The following RBM38 variants were observed in gnomAD, a reference collection of about 807,000 sequenced individuals.
RBM38 encodes the protein RNA binding motif protein 38.
A neutral mutation model predicts 23.5 loss-of-function variants in RBM38; 11 were observed. The ratio of observed to expected loss-of-function variants is 0.47; its 90% CI spans 0.29 to 0.77. The LOEUF (loss-of-function observed/expected upper bound fraction) is 0.77. Among genes scored for constraint, RBM38 ranks in the 30% least tolerant of loss-of-function variants. The pLI is 0.08. For missense variants in RBM38, 330 were observed against 351.9 expected, an observed-to-expected ratio of 0.94 and a Z score of 0.50; for synonymous variants, 165 against 166.1, an observed-to-expected ratio of 0.99 and a Z score of 0.05.
chr20:57,407,059 G>C lies in RBM38; in HGVS notation c.417-484G>C, dbSNP rs959647021. Among the ~76,000 whole-genome samples the C allele has an allele frequency of 1.3e-5, 2 of 151,700 alleles. No homozygotes were observed. On this transcript the variant is annotated intron_variant, in intron 3 of 3. Coordinates refer to ENST00000356208, the MANE Select transcript of RBM38 (RefSeq NM_017495.6). This position sits in a 1 kb window ranked among gnomAD's most constrained non-coding sequence, Gnocchi z 4.0. ...TGGCTGGGAGAGCAGGCGTGTACAT[G>C]AGCCAAGTGTGCAGTGTCACTTGGT...
chr20:57,393,023 A>T lies in RBM38; in HGVS notation c.361+246A>T, dbSNP rs548521046. 7 of 662,498 alleles carry T rather than the reference A, an allele frequency of 1.1e-5. No individual in the cohort carries two copies. The African/African-American group carries it at 1.1e-4, about 10-fold the overall frequency. The allele number at this position is 662,498 out of a possible 1,614,324, so 41.0% of individuals were successfully genotyped here. ...CACCCCAGTTGCCAGCTGTCCTCGC[A>T]GGAGGGAGGAAGTGGCCATGGGGCC... On this transcript the variant is annotated intron_variant, in intron 2 of 3. Coordinates refer to ENST00000356208, the MANE Select transcript of RBM38 (RefSeq NM_017495.6).
chr20:57,392,012 GCCCCCACCCCCACCCCCACCCCCA>G (rs539739783), intron 1 of RBM38, among the ~76,000 whole-genome samples, 194 bp downstream of exon 1: 1 of 79,586 alleles, frequency 1.3e-5, no homozygotes, highest in South Asian at 4.4e-4. Flanking sequence ...CCAGGCCCCG[GCCCCCACCCCCACCCCCACCCCCA>G]CCCCCACCCC....
chr20:57,403,530 C>T (rs1478041277), intron 3 of RBM38, among the ~76,000 whole-genome samples: 1 of 152,240 alleles, frequency 6.6e-6, no homozygotes, highest in Non-Finnish European at 1.5e-5. Flanking sequence ...CCCCACTGTA[C>T]CAGTCCCTTG....
chr20:57,395,858 C>T (rs1452601025), intron 3 of RBM38, among the ~76,000 whole-genome samples: 5 of 152,278 alleles, frequency 3.3e-5, no homozygotes, highest in East Asian at 1.9e-4. Context: ...CCTGACTCAG[C>T]GGCCAGTTTT....
At position 57,407,623 on chromosome 20, in the gene RBM38, C is replaced by T; in HGVS notation, c.497C>T (p.Ser166Phe). 6.2e-7 allele frequency: 1 copy of T among 1,613,640 alleles called. No individual in the cohort carries two copies. The highest frequency in any genetic ancestry group is 8.5e-7 in the Non-Finnish European group (1 of 1,179,852). Residue 166 changes from serine (S) to phenylalanine (F), a missense_variant, in exon 4 of 4, where the codon TCC (serine) becomes TTC (phenylalanine). This residue lies in a region of RBM38 where 227 missense variants were observed against 216.4 expected (regional missense o/e 1.05). Coordinates refer to ENST00000356208, the MANE Select transcript of RBM38 (RefSeq NM_017495.6). This position sits in a 1 kb window ranked among gnomAD's most constrained non-coding sequence, Gnocchi z 4.0. ...CCAGCCGCCCCTGTCCCGTCGCTGTCCTCGCCCTACATTGAGTACACGCCG... is the reference window on the plus strand; with the variant it reads ...CCAGCCGCCCCTGTCCCGTCGCTGTTCTCGCCCTACATTGAGTACACGCCG... ...VIPAAPVPSL[S>F]SPYIEYTPAS...
chr20:57,406,993 C>CAAAA (rs573363075), intron 3 of RBM38, among the ~76,000 whole-genome samples: 2 of 76,114 alleles, frequency 2.6e-5, no homozygotes, highest in African/African-American at 4.0e-5. Context: ...GACTCTGTCT[C>CAAAA]AAAAAAAAAA....
At chr20:57,394,320 T>C (rs969803228) in intron 3 of RBM38, among the ~76,000 whole-genome samples, 9 of 34,526 alleles carry the variant, frequency 2.6e-4, no homozygotes, top group Non-Finnish European at 9.4e-5. Context: ...TGAGCCTGGC[T>C]CCCAGGTGAA....
chr20:57,407,971 G>C lies in RBM38; in HGVS notation c.*125G>C. The C allele has an allele frequency of 1.6e-6, 2 of 1,235,970 alleles. No homozygotes were observed. Among genetic ancestry groups the C allele is most frequent in the Non-Finnish European group, 1.1e-6 (1 of 905,694 alleles). 76.6% of individuals were successfully genotyped at this position (1,235,970 alleles called of 1,614,324 possible). On this transcript the variant is annotated 3_prime_UTR_variant, in exon 4 of 4. Coordinates refer to ENST00000356208, the MANE Select transcript of RBM38 (RefSeq NM_017495.6). This position sits in a 1 kb window ranked among gnomAD's most constrained non-coding sequence, Gnocchi z 4.0. ...AGGTGCCACCAGCACCCGTGCCTCC[G>C]AAGACCGCTCGGGCATTCCGCCTGC...
In RBM38 at chr20:57,392,795, C is replaced by T. The variant is rs770015459; in HGVS notation, c.361+18C>T. 30 of 1,609,678 alleles carry T rather than the reference C, an allele frequency of 1.9e-5. No homozygotes were observed. In the East Asian group the frequency reaches 5.3e-4, roughly 29 times the overall value. ...CCAGACGGGTGAGAGCTTGTGTTTT[C>T]CTGCCTGGCTCTTCTCGGTTTCTAT... On this transcript the variant is annotated intron_variant, in intron 2 of 3. Transcript: ENST00000356208.
intron 3 of RBM38, among the ~76,000 whole-genome samples, chr20:57,402,397 C>T (rs1186198053): frequency 6.6e-6 from 1 of 152,200 alleles, no homozygotes. Flanking sequence ...AGGGAGCTCC[C>T]TGTTGGATGG....
At chr20:57,393,002 C>G (rs1600743027) in intron 2 of RBM38, 2 of 690,752 alleles carry the variant, frequency 2.9e-6, no homozygotes, top group East Asian at 5.4e-5. Context: ...GTACTGCACC[C>G]CAGTTGCCAG....
chr20:57,404,775 G>A (rs1429500142), intron 3 of RBM38, among the ~76,000 whole-genome samples: 1 of 152,276 alleles, frequency 6.6e-6, no homozygotes, highest in African/African-American at 2.4e-5. Flanking sequence ...GTAGCGAGGT[G>A]AGGGGCTGGC....
Position 57,402,079 on chromosome 20 carries a change from C to T in RBM38, c.417-5464C>T, listed in dbSNP as rs561920083. Reference sequence around the variant, plus strand: ...TCTCCTGCCTCGGCCTCCTGAGTAGCTGGGATTACAGGCACGCACCACCAC... The same window carrying T: ...TCTCCTGCCTCGGCCTCCTGAGTAGTTGGGATTACAGGCACGCACCACCAC... On this transcript the variant is annotated intron_variant, in intron 3 of 3. Transcript: ENST00000356208. Among the ~76,000 whole-genome samples the T allele has an allele frequency of 1.9e-3, 283 of 152,270 alleles. 2 individuals carry two copies. The highest frequency in any genetic ancestry group is 5.7e-3 in the African/African-American group (236 of 41,548).
intron 3 of RBM38, among the ~76,000 whole-genome samples, chr20:57,400,566 G>A (rs6025529): frequency 0.12 from 18,319 of 152,158 alleles, 3,523 homozygotes; most frequent in African/African-American, 0.41. Context: ...TCCTTCCGCA[G>A]ACACCCCGGA....
chr20:57,393,517 AG>A (rs2067242660), intron 3 of RBM38, among the ~76,000 whole-genome samples, 184 bp downstream of exon 3: 1 of 152,188 alleles, frequency 6.6e-6, no homozygotes, highest in Non-Finnish European at 1.5e-5. Context: ...CATACCACCT[AG>A]GGGATGGTGA....
At chr20:57,396,524 CT>C (rs1406751938) in intron 3 of RBM38, among the ~76,000 whole-genome samples, 6 of 152,220 alleles carry the variant, frequency 3.9e-5, no homozygotes. Flanking sequence ...CACCCAGAGC[CT>C]CTCCTTGGGT....
rs759319181 is a variant in RBM38, at chr20:57,407,825, G to A, written c.699G>A (p.Leu233=). The A allele has an allele frequency of 3.8e-6, 6 of 1,576,398 alleles. No individual in the cohort carries two copies. Among genetic ancestry groups the A allele is most frequent in the Non-Finnish European group, 5.2e-6 (6 of 1,164,746 alleles). ...TTFVQYQAPQ[L]QPDRMQ is the part of the protein sequence containing the mutation. The stretch of plus-strand genomic sequence containing the variant: ...TCGTGCAGTACCAGGCGCCGCAGCT[G>A]CAGCCTGACAGGATGCAGTGAGGGG... The change falls in exon 4 of 4, where the codon CTG becomes CTA. Residue 233 remains leucine, a synonymous_variant. Transcript: ENST00000356208. This position sits in a 1 kb window ranked among gnomAD's most constrained non-coding sequence, Gnocchi z 4.0.
intron 3 of RBM38, among the ~76,000 whole-genome samples, chr20:57,396,869 C>A (rs1018961575): frequency 6.6e-6 from 1 of 152,152 alleles, no homozygotes; most frequent in Non-Finnish European, 1.5e-5. Context: ...GCAGAAAGGA[C>A]AATAAGGGCC....
At chr20:57,396,950 T>G (rs2067280825) in intron 3 of RBM38, among the ~76,000 whole-genome samples, 1 of 152,216 alleles carries the variant, frequency 6.6e-6, no homozygotes, top group Non-Finnish European at 1.5e-5. Flanking sequence ...AGGCTTCCAC[T>G]TAAGTCTCAC....
Sources: allele counts gnomAD v4.1 joint callset (sites outside exome capture counted in the v4.1 genomes callset), GRCh38; gene constraint gnomAD v4.1.1; regional missense constraint gnomAD v4.1.1; non-coding constraint Gnocchi (gnomAD v3.1); transcripts MANE v1.5; gene names NCBI Gene and HGNC (gene_info 2026-07-23, HGNC 2026-07-21).